Variants in TTC39B observed in about 807,000 individuals in gnomAD.
The protein encoded by TTC39B is tetratricopeptide repeat domain 39B.
TTC39B carries 92 observed loss-of-function variants against 96.6 expected under a neutral mutation model. That is an observed-to-expected ratio of 0.95 (90% CI 0.80 to 1.13). TTC39B has a LOEUF of 1.13. Ranked by LOEUF, TTC39B falls within the 50% of genes most tolerant of loss-of-function variation. The pLI, the probability that TTC39B is intolerant of heterozygous loss-of-function variation, is 0.00. For synonymous variants in TTC39B, 367 were observed against 299.4 expected (o/e 1.23, Z -2.33); for missense variants, 955 against 809.3 (o/e 1.18, Z -2.18).
intron 2 of TTC39B, among the ~76,000 whole-genome samples, chr9:15,248,041 G>T (rs1035149262): frequency 6.6e-6 from 1 of 152,204 alleles, no homozygotes; most frequent in African/African-American, 2.4e-5. Context: ...GAGCATTAAG[G>T]TCAATCAACA....
At chr9:15,185,028 C>G (rs780725285) in intron 16 of TTC39B, among the ~76,000 whole-genome samples, 2 of 152,094 alleles carry the variant, frequency 1.3e-5, no homozygotes, top group South Asian at 2.1e-4. Flanking sequence ...TAACTATACT[C>G]AAAAAGTTAT....
intron 16 of TTC39B, chr9:15,183,306 G>T: frequency 2.4e-6 from 1 of 419,670 alleles, no homozygotes. Flanking sequence ...ATTTATTGCT[G>T]CTAATAGAGC....
At chr9:15,207,551 C>T (rs1197770897) in intron 6 of TTC39B, among the ~76,000 whole-genome samples, 1 of 152,094 alleles carries the variant, frequency 6.6e-6, no homozygotes, top group African/African-American at 2.4e-5. Context: ...ATCAGTTAAC[C>T]CTACTCTGCT....
exon 20 of TTC39B, chr9:15,164,131 A>T (rs1316449089): frequency 6.6e-6 from 1 of 152,226 alleles, no homozygotes; most frequent in Non-Finnish European, 1.5e-5. Flanking sequence ...GGATGTTACT[A>T]ACACATTCAT....
chr9:15,228,337 G>GCACA (rs1821240712), intron 2 of TTC39B, among the ~76,000 whole-genome samples: 1 of 152,166 alleles, frequency 6.6e-6, no homozygotes. Flanking sequence ...GGTGGTGGGT[G>GCACA]CCTGTAATCC....
exon 19 of TTC39B, chr9:15,175,078 T>G: frequency 1.9e-6 from 3 of 1,613,774 alleles, no homozygotes; most frequent in Non-Finnish European, 2.5e-6. Context: ...TATACAAAGA[T>G]GCCAATTCAA....
chr9:15,232,951 G>A (rs1239423075), intron 2 of TTC39B, among the ~76,000 whole-genome samples: 1 of 152,066 alleles, frequency 6.6e-6, no homozygotes, highest in Non-Finnish European at 1.5e-5. Flanking sequence ...ACACTCTGGG[G>A]ACTCTTTCCC....
At position 15,306,951 on chromosome 9, in the gene TTC39B, G is replaced by C; in HGVS notation, c.240+133C>G. 2 of 1,359,500 alleles carry C rather than the reference G, an allele frequency of 1.5e-6. No individual in the cohort carries two copies. Among genetic ancestry groups the C allele is most frequent in the South Asian group, 1.4e-5 (1 of 71,428 alleles). 84.2% of individuals were successfully genotyped at this position (1,359,500 alleles called of 1,614,324 possible). ...TACCAAGGCCGGGCGCCCCCACCCG[G>C]CGCCCGCCAGCCCACCCCAGAGAGG... is the stretch of plus-strand genomic sequence containing the variant. On this transcript the variant is annotated intron_variant, in intron 1 of 19. Coordinates refer to ENST00000512701, the Ensembl canonical transcript of TTC39B. The surrounding 1 kb of genome is among the most constrained non-coding windows in gnomAD (Gnocchi z 5.1).
chr9:15,291,251 G>C (rs750304078), intron 1 of TTC39B, among the ~76,000 whole-genome samples: 4 of 152,216 alleles, frequency 2.6e-5, no homozygotes, highest in African/African-American at 4.8e-5. Flanking sequence ...CTGTGGGAGG[G>C]ACCCAGTGGG....
exon 20 of TTC39B, chr9:15,164,260 G>T (rs567528798): frequency 1.3e-5 from 2 of 152,300 alleles, no homozygotes; most frequent in African/African-American, 4.8e-5. Context: ...AAGATAAAAT[G>T]CTGACAATTT....
Position 15,185,387 on chromosome 9 carries a change from G to A in TTC39B, c.1507C>T (p.Gln503Ter). The change falls in exon 16 of 20, where the codon CAG becomes TAG. Residue 503 changes from glutamine to a stop codon, truncating the protein, a stop_gained. Coordinates refer to ENST00000512701, the Ensembl canonical transcript of TTC39B. LOFTEE classifies it high-confidence loss of function. ...GGGATAGATTTCCCGGCAATTCTCT[G>A]CTTCAAGCTGTCCACCTGTCTGTGA... The A allele has an allele frequency of 6.2e-7, 1 of 1,613,768 alleles. No homozygotes were observed. Among genetic ancestry groups the A allele is most frequent in the Non-Finnish European group, 8.5e-7 (1 of 1,179,742 alleles).
At chr9:15,276,740 C>G (rs1038730692) in intron 1 of TTC39B, among the ~76,000 whole-genome samples, 2 of 152,208 alleles carry the variant, frequency 1.3e-5, no homozygotes, top group African/African-American at 2.4e-5. Context: ...CCACCTCTGA[C>G]CCTAGGTGAG....
intron 6 of TTC39B, among the ~76,000 whole-genome samples, chr9:15,207,828 C>T (rs902417506): frequency 6.7e-6 from 1 of 150,234 alleles, no homozygotes; most frequent in Non-Finnish European, 1.5e-5. Context: ...ACTAAAAATA[C>T]AAAAAATTAG....
Position 15,281,625 on chromosome 9 carries a change from C to CAAAAAAAAAAAAA in TTC39B, c.241-13690_241-13678dup, listed in dbSNP as rs1161175672. On this transcript the variant is annotated intron_variant, in intron 1 of 19. Coordinates refer to ENST00000512701, the Ensembl canonical transcript of TTC39B. ...CCTACCAACATCCCCCCTGCAACAG[C>CAAAAAAAAAAAAA]AAAAAAAAAAAAAAAAAAAAAAAAA... is the stretch of plus-strand genomic sequence containing the variant. Among the ~76,000 whole-genome samples, 158 of 48,960 alleles carry CAAAAAAAAAAAAA rather than the reference C, an allele frequency of 3.2e-3. 4 individuals are homozygous for CAAAAAAAAAAAAA. Among genetic ancestry groups the CAAAAAAAAAAAAA allele is most frequent in the African/African-American group, 0.014 (146 of 10,472 alleles). The allele number at this position is 48,960 out of a possible 152,430, so 32.1% of individuals were successfully genotyped here.
chr9:15,170,488 C>T (rs1259187200), exon 20 of TTC39B: 1 of 152,040 alleles, frequency 6.6e-6, no homozygotes, highest in Non-Finnish European at 1.5e-5. Flanking sequence ...TTTTGTATAG[C>T]CTTTTACAGT....
intron 1 of TTC39B, among the ~76,000 whole-genome samples, chr9:15,285,424 A>C (rs1378040299): frequency 1.3e-5 from 2 of 152,244 alleles, no homozygotes; most frequent in African/African-American, 2.4e-5. Flanking sequence ...CGAAATGATA[A>C]ATGCTTGAAG....
intron 1 of TTC39B, among the ~76,000 whole-genome samples, chr9:15,284,672 T>C (rs948041250): frequency 5.3e-5 from 8 of 152,204 alleles, no homozygotes; most frequent in Non-Finnish European, 1.2e-4. Context: ...AAGCCAGATT[T>C]GCAGATTTCT....
intron 2 of TTC39B, among the ~76,000 whole-genome samples, chr9:15,239,423 C>A (rs1821935713): frequency 6.6e-6 from 1 of 152,052 alleles, no homozygotes; most frequent in African/African-American, 2.4e-5. Flanking sequence ...TGGTATCTAC[C>A]CAAAGGAAAA....
At chr9:15,252,573 G>C (rs2131511325) in intron 2 of TTC39B, among the ~76,000 whole-genome samples, 1 of 152,216 alleles carries the variant, frequency 6.6e-6, no homozygotes, top group South Asian at 2.1e-4. Flanking sequence ...GCTTGAACCT[G>C]GGAGGCACAG....
Sources: allele counts gnomAD v4.1 joint callset (sites outside exome capture counted in the v4.1 genomes callset), GRCh38; gene constraint gnomAD v4.1.1; non-coding constraint Gnocchi (gnomAD v3.1); transcripts MANE v1.5; gene names NCBI Gene and HGNC (gene_info 2026-07-23, HGNC 2026-07-21).